ABCF1: variants seen among roughly 807,000 people sequenced by gnomAD.
The protein encoded by ABCF1 is ATP-binding cassette sub-family F member 1.
ABCF1 carries 73 observed loss-of-function variants against 126.3 expected under a neutral mutation model. That is an observed-to-expected ratio of 0.58 (90% confidence interval 0.48 to 0.70). The LOEUF is 0.70. Among genes scored for constraint, ABCF1 ranks in the 30% least tolerant of loss-of-function variants. The pLI, the probability that ABCF1 is intolerant of heterozygous loss-of-function variation, is 0.00. For missense variants in ABCF1, 786 were observed against 1,057.5 expected (o/e 0.74, Z 3.56); for synonymous variants, 345 against 396.4 (o/e 0.87, Z 1.54).
At chr6:30,582,645 C>T in intron 9 of ABCF1, 138 bp downstream of exon 9, 1 of 931,014 alleles carries the variant, frequency 1.1e-6, no homozygotes, top group South Asian at 1.6e-5. Flanking sequence ...TAATTGTGTT[C>T]TGTGAACCTT....
chr6:30,581,630 C>T (rs1029332052), intron 8 of ABCF1, among the ~76,000 whole-genome samples: 1 of 151,900 alleles, frequency 6.6e-6, no homozygotes, highest in African/African-American at 2.4e-5. Flanking sequence ...GTCTTGATCT[C>T]CTGACCTTGT....
Position 30,584,058 on chromosome 6 carries a change from C to T in ABCF1, c.1103-134C>T. Reference sequence around the variant, plus strand: ...AAAGGAGGGGAGGGTCAATGAGGAACTTGAGAGTGTTTTATTTGGAACAAG... The same window carrying T: ...AAAGGAGGGGAGGGTCAATGAGGAATTTGAGAGTGTTTTATTTGGAACAAG... On this transcript the variant is annotated intron_variant, in intron 12 of 24. Transcript: ENST00000326195. The surrounding 1 kb of genome is among the most constrained non-coding windows in gnomAD (Gnocchi z 4.6). The T allele has an allele frequency of 7.0e-7, 1 of 1,423,280 alleles. No homozygotes were observed. The highest frequency in any genetic ancestry group is 1.3e-5 in the South Asian group (1 of 75,560). 88.2% of individuals were successfully genotyped at this position (1,423,280 alleles called of 1,614,324 possible).
Position 30,577,725 on chromosome 6 carries a change from A to C in ABCF1, c.121-93A>C, listed in dbSNP as rs111759734. On this transcript the variant is annotated intron_variant, in intron 2 of 24. Coordinates refer to ENST00000326195, the MANE Select transcript of ABCF1 (RefSeq NM_001025091.2). ...GAGACAGGAGGTAAGGTGAGGGTGG[A>C]GTGGAGGGCCAGTGGGCCAATGTGT... 1.0e-3 allele frequency: 1,267 copies of C among 1,211,618 alleles called. 11 individuals are homozygous for C. In the African/African-American group the frequency reaches 0.017, roughly 16 times the overall value. 75.1% of individuals were successfully genotyped at this position (1,211,618 alleles called of 1,614,324 possible).
chr6:30,572,207 A>G (rs1801289082), intron 1 of ABCF1, among the ~76,000 whole-genome samples: 1 of 152,244 alleles, frequency 6.6e-6, no homozygotes, highest in African/African-American at 2.4e-5. Flanking sequence ...TAAGGGGGAC[A>G]TAAATGGACA....
At position 30,578,353 on chromosome 6, in the gene ABCF1, G is replaced by A. The variant is rs777204865; in HGVS notation, c.349G>A (p.Ala117Thr). 1.3e-5 allele frequency: 21 copies of A among 1,613,844 alleles called. No individual in the cohort carries two copies. The highest frequency in any genetic ancestry group is 1.4e-5 in the Non-Finnish European group (17 of 1,180,004). The change falls in exon 5 of 25, where the codon GCC becomes ACC. Residue 117 changes from alanine (A) to threonine (T), a missense_variant. Around this residue, in one of 4 missense-constraint regions of ABCF1, gnomAD observed 322 missense variants for 322.9 expected, o/e 1.00. Transcript: ENST00000326195. ...PTSDEEDEVP[A>T]PKPRGGKKTK... ...TTCTCCCCCTGTCATTTCAGTACCCGCCCCAAAACCCCGCGGAGGGAAGAA... is the reference window on the plus strand; with the variant it reads ...TTCTCCCCCTGTCATTTCAGTACCCACCCCAAAACCCCGCGGAGGGAAGAA...
chr6:30,582,632 A>G lies in ABCF1; in HGVS notation c.792+125A>G. ...TCCAAGTAAAACAATCGGAGTAAGA[A>G]AATAATTGTGTTCTGTGAACCTTAT... On this transcript the variant is annotated intron_variant, in intron 9 of 24. Coordinates refer to ENST00000326195, the MANE Select transcript of ABCF1 (RefSeq NM_001025091.2). 6 of 997,480 alleles carry G rather than the reference A, an allele frequency of 6.0e-6. 1 individual carries two copies. Among genetic ancestry groups the G allele is most frequent in the Middle Eastern group, 2.2e-4 (1 of 4,638 alleles). The allele number at this position is 997,480 out of a possible 1,614,324, so 61.8% of individuals were successfully genotyped here. A position where few individuals can be genotyped will look rare whatever the true frequency, so the allele number is the denominator to read the frequency against.
chr6:30,573,217 C>T (rs1352813092), intron 1 of ABCF1, among the ~76,000 whole-genome samples: 2 of 152,080 alleles, frequency 1.3e-5, no homozygotes, highest in Non-Finnish European at 2.9e-5. Context: ...CGGCATTGAT[C>T]GGAACTGAGA....
chr6:30,581,738 A>G (rs1162294221), intron 8 of ABCF1, among the ~76,000 whole-genome samples: 1 of 152,078 alleles, frequency 6.6e-6, no homozygotes, highest in African/African-American at 2.4e-5. Flanking sequence ...TTAACAAGGA[A>G]ACCACAGAAA....
Position 30,578,141 on chromosome 6 carries a change from G to A in ABCF1, c.282G>A (p.Glu94=), listed in dbSNP as rs1801605900. 1 of 1,614,030 alleles carries A rather than the reference G, an allele frequency of 6.2e-7. No individual in the cohort carries two copies. The highest frequency in any genetic ancestry group is 1.7e-5 in the Admixed American group (1 of 59,978). The change falls in exon 4 of 25, where the codon GAG becomes GAA. Residue 94 remains glutamate, a synonymous_variant. Transcript: ENST00000326195. ...RKKDVDDDGE[E]KELMERLKKL... ...AGGATGTGGATGATGATGGAGAAGA[G>A]AAAGAGCTCATGGAGCGTCTTAAGA...
chr6:30,584,102 G>A lies in ABCF1; in HGVS notation c.1103-90G>A. The A allele has an allele frequency of 1.3e-6, 2 of 1,536,240 alleles. No homozygotes were observed. The highest frequency in any genetic ancestry group is 1.8e-6 in the Non-Finnish European group (2 of 1,141,422). ...GAACAAGTACAAAGAGCTGGGCAGG[G>A]TCAGGCAAAACAGAAATGTAATTGA... On this transcript the variant is annotated intron_variant, in intron 12 of 24. Coordinates refer to ENST00000326195, the MANE Select transcript of ABCF1 (RefSeq NM_001025091.2). The surrounding 1 kb of genome is among the most constrained non-coding windows in gnomAD (Gnocchi z 4.6).
intron 7 of ABCF1, 33 bp downstream of exon 7, chr6:30,580,038 G>A (rs1801725917): frequency 1.2e-6 from 2 of 1,604,776 alleles, no homozygotes. Flanking sequence ...GAGGTATTGG[G>A]GCCCAGGAAT....
At chr6:30,572,878 T>C (rs573299763) in intron 1 of ABCF1, among the ~76,000 whole-genome samples, 2 of 152,154 alleles carry the variant, frequency 1.3e-5, no homozygotes, top group East Asian at 3.9e-4. Flanking sequence ...TTGTGGAAGG[T>C]AGAGATGTAG....
chr6:30,585,524 C>T, intron 15 of ABCF1, 34 bp from the exon 16 acceptor site: 1 of 1,612,758 alleles, frequency 6.2e-7, no homozygotes. Context: ...CACTTGACCA[C>T]TGTGACACTT....
chr6:30,582,599 G>A (rs1359027137), intron 9 of ABCF1, 92 bp downstream of exon 9: 15 of 1,312,506 alleles, frequency 1.1e-5, no homozygotes, highest in Non-Finnish European at 1.6e-5. Flanking sequence ...GAAAGGTTTG[G>A]GGGCTACTCC....
At position 30,577,878 on chromosome 6, in the gene ABCF1, GAGA is replaced by G. The variant is rs769566668; in HGVS notation, c.184_186del (p.Lys62del). On this transcript the variant is annotated inframe_deletion, in exon 3 of 25. Transcript: ENST00000326195. ...TGGGGAAGAAGAGAAAGTGCTCAAG[GAGA>G]AGGAGCAGCAGCAGCAGCAACAGCA... 2 of 1,613,940 alleles carry G rather than the reference GAGA, an allele frequency of 1.2e-6. No homozygotes were observed. Among genetic ancestry groups the G allele is most frequent in the Non-Finnish European group, 1.7e-6 (2 of 1,180,034 alleles).
intron 20 of ABCF1, among the ~76,000 whole-genome samples, chr6:30,587,678 A>G (rs902145150): frequency 1.4e-4 from 21 of 151,528 alleles, no homozygotes; most frequent in African/African-American, 5.1e-4. Flanking sequence ...GTGAAATCCC[A>G]TCTCTACTAA....
chr6:30,584,018 A>G lies in ABCF1; in HGVS notation c.1102+128A>G. On this transcript the variant is annotated intron_variant, in intron 12 of 24. Coordinates refer to ENST00000326195, the MANE Select transcript of ABCF1 (RefSeq NM_001025091.2). This position sits in a 1 kb window ranked among gnomAD's most constrained non-coding sequence, Gnocchi z 4.6. ...ATGTGGAGGGAGACTGGAGACCGGGAAAGGGATGCTAAGGAAAGGAGGGGA... is the reference window on the plus strand; with the variant it reads ...ATGTGGAGGGAGACTGGAGACCGGGGAAGGGATGCTAAGGAAAGGAGGGGA... 7.2e-7 allele frequency: 1 copy of G among 1,396,510 alleles called. No individual in the cohort carries two copies. Among genetic ancestry groups the G allele is most frequent in the Non-Finnish European group, 9.9e-7 (1 of 1,011,862 alleles). The allele number at this position is 1,396,510 out of a possible 1,614,324, so 86.5% of individuals were successfully genotyped here.
chr6:30,578,055 C>G (rs1238199969), intron 3 of ABCF1, 21 bp from the exon 4 acceptor site: 3 of 1,613,808 alleles, frequency 1.9e-6, no homozygotes, highest in Non-Finnish European at 1.7e-6. Context: ...CATTTTCTCA[C>G]TGTTCTTTTG....
At position 30,583,669 on chromosome 6, in the gene ABCF1, T is replaced by C; in HGVS notation, c.977T>C (p.Ile326Thr). ...CTGTTCGTCAATGCAGACCTGTACA[T>C]TGTAGCCGGCCGCCGCTACGGGCTG... ...KELFVNADLY[I>T]VAGRRYGLVG... The change falls in exon 11 of 25, where the codon ATT becomes ACT. Residue 326 changes from isoleucine to threonine, a missense_variant. By Grantham distance (89) the Ile-to-Thr change is moderately conservative. This residue lies in a region of ABCF1 where 163 missense variants were observed against 255.3 expected (regional missense o/e 0.64). Transcript: ENST00000326195. This position sits in a 1 kb window ranked among gnomAD's most constrained non-coding sequence, Gnocchi z 4.1. 1 of 1,613,968 alleles carries C rather than the reference T, an allele frequency of 6.2e-7. No homozygotes were observed. Among genetic ancestry groups the C allele is most frequent in the South Asian group, 1.1e-5 (1 of 91,084 alleles).
Sources: gnomAD v4.1 joint callset for allele counts (sites outside exome capture counted in the v4.1 genomes callset) on GRCh38, gnomAD v4.1.1 for gene constraint, gnomAD v4.1.1 regional missense constraint, Gnocchi (gnomAD v3.1) non-coding constraint, MANE v1.5 for transcripts, NCBI Gene and HGNC (gene_info 2026-07-23, HGNC 2026-07-21) for gene names.